PALD1: variants seen among roughly 807,000 people sequenced by gnomAD.
PALD1 encodes the protein paladin.
Under a neutral mutation model 96.0 loss-of-function variants are expected in PALD1, and 57 were observed. That is an observed-to-expected ratio of 0.59 (90% CI 0.48 to 0.74). The LOEUF (loss-of-function observed/expected upper bound fraction) is 0.74, where lower values mean the gene tolerates loss of function less well. PALD1 is among the 30% of genes least tolerant of loss of function. The pLI is 0.00. For synonymous variants in PALD1, 464 were observed against 473.6 expected, an observed-to-expected ratio of 0.98 and a Z score of 0.26; for missense variants, 1,063 against 1,143.7, an observed-to-expected ratio of 0.93 and a Z score of 1.02.
chr10:70,559,516 C>T (rs12358935), intron 18 of PALD1, among the ~76,000 whole-genome samples: 14,849 of 151,868 alleles, frequency 0.098, 918 homozygotes, highest in Middle Eastern at 0.18. Context: ...CAGCAGGGGG[C>T]GGGAGAGGTG....
intron 1 of PALD1, among the ~76,000 whole-genome samples, chr10:70,491,298 A>G (rs1436793075): frequency 6.6e-6 from 1 of 152,150 alleles, no homozygotes; most frequent in Non-Finnish European, 1.5e-5. Flanking sequence ...GGCTTTACTC[A>G]CTTCACACAG....
chr10:70,484,997 T>A (rs1281912909), intron 1 of PALD1, among the ~76,000 whole-genome samples: 2 of 152,224 alleles, frequency 1.3e-5, no homozygotes, highest in Non-Finnish European at 2.9e-5. Flanking sequence ...TTCATATTTT[T>A]AAGAATATGG....
the PALD1 span, among the ~76,000 whole-genome samples, chr10:70,459,619 A>G: frequency 6.6e-6 from 1 of 152,188 alleles, no homozygotes; most frequent in Admixed American, 6.5e-5. Flanking sequence ...GCAGACTCCA[A>G]ACAGCCTGCT....
intron 18 of PALD1, among the ~76,000 whole-genome samples, chr10:70,561,402 C>T (rs538784280): frequency 2.6e-5 from 4 of 152,282 alleles, no homozygotes; most frequent in Middle Eastern, 3.4e-3. Context: ...TCCAGGCTTT[C>T]GGATGGAGCT....
At chr10:70,474,760 T>C (rs188204862), upstream of PALD1, among the ~76,000 whole-genome samples, 3 of 152,294 alleles carry the variant, frequency 2.0e-5, no homozygotes, top group Admixed American at 2.0e-4. Flanking sequence ...CAAAGAAGGA[T>C]ATAATCAATA....
At chr10:70,535,716 C>T (rs939381706) in intron 10 of PALD1, among the ~76,000 whole-genome samples, 14 of 151,634 alleles carry the variant, frequency 9.2e-5, no homozygotes, top group African/African-American at 1.7e-4. Context: ...TCCTGCTTCT[C>T]CTTCAATAGG....
chr10:70,464,406 G>T, the PALD1 span, among the ~76,000 whole-genome samples: 3 of 151,812 alleles, frequency 2.0e-5, no homozygotes, highest in Non-Finnish European at 2.9e-5. Flanking sequence ...TTGAGATGGG[G>T]TTTCACCATG....
intron 18 of PALD1, among the ~76,000 whole-genome samples, chr10:70,557,343 T>G (rs950562347): frequency 5.5e-4 from 83 of 151,714 alleles, no homozygotes; most frequent in African/African-American, 1.9e-3. Context: ...ATGGGCTACA[T>G]GCGGACACAG....
At chr10:70,473,891 A>ACCC (rs10609984), upstream of PALD1, among the ~76,000 whole-genome samples, 1 of 148,566 alleles carries the variant, frequency 6.7e-6, no homozygotes, top group African/African-American at 2.5e-5. Flanking sequence ...CAGGTGATCC[A>ACCC]CCCCCCCCCC....
chr10:70,460,704 G>T, the PALD1 span, among the ~76,000 whole-genome samples: 1 of 152,138 alleles, frequency 6.6e-6, no homozygotes, highest in African/African-American at 2.4e-5. Context: ...AGCTAGATGG[G>T]ATGGCATCAC....
In PALD1 at chr10:70,533,056, G is replaced by C; in HGVS notation, c.856G>C (p.Val286Leu). The C allele has an allele frequency of 6.3e-7, 1 of 1,581,852 alleles. No individual in the cohort carries two copies. The highest frequency in any genetic ancestry group is 2.3e-5 in the East Asian group (1 of 43,236). The change falls in exon 7 of 20, where the codon GTC becomes CTC. Residue 286 changes from valine (V) to leucine (L), a missense_variant. Transcript: ENST00000263563. ...SPLEAQLDAF[V>L]SVLRETPSLL... ...CCTGGAGGCCCAGTTGGACGCCTTT[G>C]TCAGTGTTCTCCGGGTAACTGGGGC...
the PALD1 span, among the ~76,000 whole-genome samples, chr10:70,468,807 G>A: frequency 8.0e-5 from 12 of 150,684 alleles, no homozygotes; most frequent in Non-Finnish European, 1.6e-4. Flanking sequence ...TGTGATCTTG[G>A]CTCACGGCAA....
Position 70,541,477 on chromosome 10 carries a change from G to A in PALD1, c.2064G>A (p.Val688=), listed in dbSNP as rs1476737579. The change falls in exon 17 of 20, where the codon GTG becomes GTA. Residue 688 remains valine (V), a synonymous_variant. Transcript: ENST00000263563. ...AFWHIQGFPE[V]GEEELVSVPD... is the part of the protein sequence containing the mutation. ...TCTTCCCTCAGGGCTTCCCCGAGGT[G>A]GGTGAGGAGGAGCTCGTGAGTGTGC... 1.2e-6 allele frequency: 2 copies of A among 1,613,860 alleles called. No individual in the cohort carries two copies. Among genetic ancestry groups the A allele is most frequent in the African/African-American group, 1.3e-5 (1 of 75,036 alleles).
intron 1 of PALD1, among the ~76,000 whole-genome samples, chr10:70,505,910 A>G (rs1254866013): frequency 1.3e-5 from 2 of 151,758 alleles, no homozygotes; most frequent in Admixed American, 1.3e-4. Context: ...AGTCCCAGCT[A>G]TTTGGGAGGC....
chr10:70,502,526 T>C (rs1846319015), intron 1 of PALD1, among the ~76,000 whole-genome samples: 1 of 149,394 alleles, frequency 6.7e-6, no homozygotes, highest in African/African-American at 2.5e-5. Flanking sequence ...TTTGTTGATA[T>C]TAGTGAAAGA....
chr10:70,520,394 G>A (rs145199893), intron 1 of PALD1, among the ~76,000 whole-genome samples: 1 of 152,328 alleles, frequency 6.6e-6, no homozygotes, highest in East Asian at 1.9e-4. Flanking sequence ...CATACACAAA[G>A]CAATGGACTT....
At chr10:70,550,506 T>G (rs1847459621) in intron 18 of PALD1, among the ~76,000 whole-genome samples, 1 of 152,226 alleles carries the variant, frequency 6.6e-6, no homozygotes, top group Non-Finnish European at 1.5e-5. Flanking sequence ...GCCATGCAAT[T>G]CACTTATTTA....
At position 70,564,887 on chromosome 10, in the gene PALD1, A is replaced by G. The variant is rs567768990; in HGVS notation, c.2418+368A>G. ...GGGCCCACCTGGGCACTTCATGCCC[A>G]CAATTGTGGTCAGCCCTCACCTGTG... On this transcript the variant is annotated intron_variant, in intron 19 of 19. Coordinates refer to ENST00000263563, the MANE Select transcript of PALD1 (RefSeq NM_014431.3). 3.9e-5 allele frequency among the ~76,000 whole-genome samples: 6 copies of G among 152,314 alleles called. No individual in the cohort carries two copies. The East Asian group carries it at 9.7e-4, about 25-fold the overall frequency.
At chr10:70,463,140 C>G in the PALD1 span, among the ~76,000 whole-genome samples, 580 of 152,298 alleles carry the variant, frequency 3.8e-3, 2 homozygotes, top group Middle Eastern at 6.8e-3. Context: ...CATGGTGGCT[C>G]ACGCCTGTAA....
Sources: allele counts gnomAD v4.1 joint callset (sites outside exome capture counted in the v4.1 genomes callset), GRCh38; gene constraint gnomAD v4.1.1; transcripts MANE v1.5; gene names NCBI Gene and HGNC (gene_info 2026-07-23, HGNC 2026-07-21).